Variants in MCMDC2 observed in about 807,000 individuals in gnomAD.
The protein encoded by MCMDC2 is minichromosome maintenance domain-containing protein 2.
Under a neutral mutation model 75.8 loss-of-function variants are expected in MCMDC2, and 54 were observed. That is an observed-to-expected ratio of 0.71 (90% confidence interval 0.57 to 0.89). MCMDC2 has a LOEUF of 0.89. Ranked by LOEUF, MCMDC2 falls within the 40% of genes least tolerant of loss-of-function variation. MCMDC2 has a pLI of 0.00. For missense variants in MCMDC2, 656 were observed against 780.4 expected, an observed-to-expected ratio of 0.84 and a Z score of 1.90; for synonymous variants, 249 against 274.6, an observed-to-expected ratio of 0.91 and a Z score of 0.92.
intron 13 of MCMDC2, among the ~76,000 whole-genome samples, chr8:66,905,004 A>G (rs1812848396): frequency 6.6e-6 from 1 of 152,168 alleles, no homozygotes; most frequent in Non-Finnish European, 1.5e-5. Flanking sequence ...TGATAAATAA[A>G]AGCCAGGATG....
intron 10 of MCMDC2, among the ~76,000 whole-genome samples, chr8:66,891,882 GTA>G (rs201521071): frequency 0.012 from 1,784 of 152,332 alleles, 20 homozygotes; most frequent in Admixed American, 0.018. Context: ...ATGCAAGGCT[GTA>G]GCTGGAACAG....
chr8:66,883,814 G>A lies in MCMDC2; in HGVS notation c.893G>A (p.Cys298Tyr), dbSNP rs1563372017. The A allele has an allele frequency of 5.0e-6, 8 of 1,613,648 alleles. No homozygotes were observed. The highest frequency in any genetic ancestry group is 5.9e-6 in the Non-Finnish European group (7 of 1,179,958). The change falls in exon 9 of 15, where the codon TGC becomes TAC. Residue 298 changes from cysteine to tyrosine, a missense_variant. Coordinates refer to ENST00000422365, the MANE Select transcript of MCMDC2 (RefSeq NM_173518.5). ...CTCCTCTCCTTAACTTCCAGCTCAT[G>A]CTGGAAGTTTACAGCAATACTTGCC... Reference protein sequence around the residue: ...RCLLSLTSSSCWKFTAILANI... With the variant: ...RCLLSLTSSSYWKFTAILANI...
At chr8:66,889,510 T>A (rs1276970693) in intron 9 of MCMDC2, among the ~76,000 whole-genome samples, 2 of 151,818 alleles carry the variant, frequency 1.3e-5, no homozygotes, top group Non-Finnish European at 2.9e-5. Context: ...GAAAAAAAAA[T>A]TTTGGCTGGA....
intron 14 of MCMDC2, among the ~76,000 whole-genome samples, chr8:66,908,790 T>C (rs897709650): frequency 1.3e-5 from 2 of 152,168 alleles, no homozygotes; most frequent in African/African-American, 4.8e-5. Context: ...TTTGTATTTT[T>C]AGTAGAGATG....
At chr8:66,922,810 G>A (rs894429102), downstream of MCMDC2, 1 of 243,580 alleles carries the variant, frequency 4.1e-6, no homozygotes, top group Non-Finnish European at 8.3e-6. Context: ...TCCAAGAAGA[G>A]AATCTCATTC....
intron 14 of MCMDC2, among the ~76,000 whole-genome samples, chr8:66,911,277 T>G (rs1813111732): frequency 6.6e-6 from 1 of 152,024 alleles, no homozygotes; most frequent in Non-Finnish European, 1.5e-5. Flanking sequence ...TCTCATGAGA[T>G]CCGATGGTTT....
chr8:66,885,798 C>G (rs1312424095), intron 9 of MCMDC2, among the ~76,000 whole-genome samples: 1 of 152,196 alleles, frequency 6.6e-6, no homozygotes, highest in Non-Finnish European at 1.5e-5. Flanking sequence ...CCTATCTTCA[C>G]TGGTGATTTC....
chr8:66,887,397 A>G (rs1238035926), intron 9 of MCMDC2, among the ~76,000 whole-genome samples: 1 of 151,634 alleles, frequency 6.6e-6, no homozygotes, highest in Non-Finnish European at 1.5e-5. Context: ...AAAAAAAAAA[A>G]AAAAATTAGC....
chr8:66,900,856 A>T (rs890203581), intron 12 of MCMDC2, among the ~76,000 whole-genome samples: 6 of 152,260 alleles, frequency 3.9e-5, no homozygotes, highest in Non-Finnish European at 8.8e-5. Context: ...AGAGAAACTT[A>T]CGAGGAAAAA....
intron 9 of MCMDC2, among the ~76,000 whole-genome samples, chr8:66,887,574 CT>C (rs1811905122): frequency 6.6e-6 from 1 of 151,824 alleles, no homozygotes; most frequent in South Asian, 2.1e-4. Flanking sequence ...AAGAAGAAAT[CT>C]TTGTCTATCC....
chr8:66,911,192 C>A (rs1281946469), intron 14 of MCMDC2, among the ~76,000 whole-genome samples: 1 of 152,148 alleles, frequency 6.6e-6, no homozygotes, highest in Non-Finnish European at 1.5e-5. Context: ...TCCCCATAAT[C>A]CCTACATGTC....
At chr8:66,887,216 A>G (rs1811883507) in intron 9 of MCMDC2, among the ~76,000 whole-genome samples, 2 of 151,984 alleles carry the variant, frequency 1.3e-5, no homozygotes, top group South Asian at 4.1e-4. Context: ...ATTTACTTTT[A>G]TGCTTAGCGT....
intron 8 of MCMDC2, among the ~76,000 whole-genome samples, chr8:66,881,970 G>A (rs998773950): frequency 2.0e-5 from 3 of 152,182 alleles, no homozygotes; most frequent in African/African-American, 7.2e-5. Context: ...TATATTCAAA[G>A]TGATCCCCAA....
chr8:66,922,641 GT>G (rs552090110), downstream of MCMDC2: 5 of 393,068 alleles, frequency 1.3e-5, no homozygotes, highest in Non-Finnish European at 2.6e-5. Context: ...GATCCTAGTA[GT>G]TTTTTCACAA....
downstream of MCMDC2, chr8:66,925,624 C>A (rs1214132986): frequency 1.3e-5 from 2 of 152,232 alleles, no homozygotes; most frequent in African/African-American, 2.4e-5. Context: ...TCCGCGGGTG[C>A]GAAGGGGGGC....
In MCMDC2 at chr8:66,907,583, A is replaced by G. The variant is rs563310583; in HGVS notation, c.1879+2248A>G. Among the ~76,000 whole-genome samples the G allele has an allele frequency of 3.9e-5, 6 of 152,344 alleles. No homozygotes were observed. The South Asian group carries it at 1.2e-3, about 32-fold the overall frequency. On this transcript the variant is annotated intron_variant, in intron 14 of 14. Transcript: ENST00000422365. ...GAATGATTTAAAATCCTTTGGGTATATACCCAGTAATGGGATTGCTGGGTC... is the reference window on the plus strand; with the variant it reads ...GAATGATTTAAAATCCTTTGGGTATGTACCCAGTAATGGGATTGCTGGGTC...
chr8:66,924,469 T>A (rs1813659489), downstream of MCMDC2, among the ~76,000 whole-genome samples: 1 of 151,752 alleles, frequency 6.6e-6, no homozygotes, highest in Non-Finnish European at 1.5e-5. Context: ...ACCCCGTCTC[T>A]ACTAGAAATA....
intron 10 of MCMDC2, among the ~76,000 whole-genome samples, chr8:66,893,042 C>T (rs367955225): frequency 5.9e-5 from 9 of 152,128 alleles, no homozygotes; most frequent in South Asian, 2.1e-4. Flanking sequence ...CTTATAATGT[C>T]GTTGTCTGGT....
chr8:66,881,185 G>A (rs1353571245), intron 8 of MCMDC2, among the ~76,000 whole-genome samples: 3 of 152,104 alleles, frequency 2.0e-5, no homozygotes, highest in Non-Finnish European at 2.9e-5. Flanking sequence ...CAGATAATAA[G>A]TACATGAAGG....
Sources: allele counts gnomAD v4.1 joint callset (sites outside exome capture counted in the v4.1 genomes callset), GRCh38; gene constraint gnomAD v4.1.1; transcripts MANE v1.5; gene names NCBI Gene and HGNC (gene_info 2026-07-23, HGNC 2026-07-21).